EDIL3: variants seen among roughly 807,000 people sequenced by gnomAD.
The protein encoded by EDIL3 is EGF-like repeat and discoidin I-like domain-containing protein 3.
EDIL3 carries 37 observed loss-of-function variants against 67.4 expected under a neutral mutation model. The ratio of observed to expected loss-of-function variants is 0.55; its 90% CI spans 0.42 to 0.72. The LOEUF is 0.72. EDIL3 is among the 30% of genes least tolerant of loss of function. EDIL3 has a pLI of 0.00. For synonymous variants in EDIL3, 195 were observed against 196.3 expected, an observed-to-expected ratio of 0.99 and a Z score of 0.05; for missense variants, 527 against 586.3, an observed-to-expected ratio of 0.90 and a Z score of 1.04.
chr5:84,217,466 A>G (rs1360973564), intron 3 of EDIL3, among the ~76,000 whole-genome samples: 2 of 152,164 alleles, frequency 1.3e-5, no homozygotes, highest in African/African-American at 2.4e-5. Context: ...CGATGTGATT[A>G]ACATCTACAA....
intron 9 of EDIL3, among the ~76,000 whole-genome samples, chr5:84,018,542 T>A (rs1408426469): frequency 6.6e-6 from 1 of 152,132 alleles, no homozygotes; most frequent in East Asian, 1.9e-4. Flanking sequence ...TCAACCTTAT[T>A]CTACTATCAA....
At chr5:84,055,778 T>C (rs965324866) in intron 9 of EDIL3, among the ~76,000 whole-genome samples, 1 of 152,164 alleles carries the variant, frequency 6.6e-6, no homozygotes, top group African/African-American at 2.4e-5. Context: ...TCACACCAGT[T>C]AGAATGGCAA....
At chr5:84,103,726 G>T (rs151011454) in intron 6 of EDIL3, among the ~76,000 whole-genome samples, 20 of 152,128 alleles carry the variant, frequency 1.3e-4, no homozygotes, top group African/African-American at 4.6e-4. Context: ...AATAGATGCT[G>T]GCAAGGTTGA....
intron 7 of EDIL3, among the ~76,000 whole-genome samples, chr5:84,065,237 T>A (rs543483290): frequency 5.3e-5 from 8 of 152,296 alleles, no homozygotes; most frequent in African/African-American, 1.7e-4. Context: ...ATCCAGTCTT[T>A]GCTACTGCTT....
chr5:84,221,327 G>A (rs1386783596), intron 3 of EDIL3, among the ~76,000 whole-genome samples: 1 of 152,094 alleles, frequency 6.6e-6, no homozygotes, highest in African/African-American at 2.4e-5. Flanking sequence ...ATGTCAAGAT[G>A]TAAAGATATT....
At chr5:84,287,435 A>G (rs1329829891) in intron 1 of EDIL3, among the ~76,000 whole-genome samples, 1 of 152,190 alleles carries the variant, frequency 6.6e-6, no homozygotes, top group Non-Finnish European at 1.5e-5. Context: ...TGCTTTTCAG[A>G]TTCTGAATAA....
chr5:84,056,632 C>A (rs1746452656), intron 9 of EDIL3, among the ~76,000 whole-genome samples: 1 of 151,866 alleles, frequency 6.6e-6, no homozygotes. Flanking sequence ...TTTAGAAAAA[C>A]CTATTAAACA....
chr5:83,986,660 T>C (rs1222761623), intron 9 of EDIL3, among the ~76,000 whole-genome samples: 2 of 152,070 alleles, frequency 1.3e-5, no homozygotes, highest in East Asian at 3.9e-4. Context: ...TGTGTATATA[T>C]ATATTGTAGC....
At chr5:84,326,423 A>T (rs937539937) in intron 1 of EDIL3, among the ~76,000 whole-genome samples, 1 of 151,978 alleles carries the variant, frequency 6.6e-6, no homozygotes, top group Non-Finnish European at 1.5e-5. Flanking sequence ...TACAGTTCCC[A>T]TCATACAAGA....
intron 1 of EDIL3, 142 bp from the exon 2 acceptor site, chr5:84,254,354 A>G: frequency 1.0e-6 from 1 of 966,528 alleles, no homozygotes; most frequent in Non-Finnish European, 1.4e-6. Flanking sequence ...GATCTGCAAG[A>G]CTCATTTCAA....
chr5:84,224,335 A>G (rs1365347345), intron 3 of EDIL3, among the ~76,000 whole-genome samples: 2 of 151,570 alleles, frequency 1.3e-5, no homozygotes, highest in African/African-American at 4.8e-5. Flanking sequence ...GACCAAATAA[A>G]CTAAAAGCAA....
Position 84,280,733 on chromosome 5 carries a change from G to A in EDIL3, c.68-26521C>T, listed in dbSNP as rs148987227. On this transcript the variant is annotated intron_variant, in intron 1 of 10. Transcript: ENST00000296591. The stretch of plus-strand genomic sequence containing the variant: ...TTTGGAAAGCTGACACAGTAGGATG[G>A]CTTGAGCCCAGGAGTTCTGGGCAAC... Among the ~76,000 whole-genome samples the A allele has an allele frequency of 7.4e-4, 112 of 152,040 alleles. 1 individual carries two copies. The highest frequency in any genetic ancestry group is 2.7e-3 in the African/African-American group (110 of 41,482).
At chr5:84,203,367 G>A (rs1743885564) in intron 3 of EDIL3, among the ~76,000 whole-genome samples, 5 of 151,700 alleles carry the variant, frequency 3.3e-5, no homozygotes. Flanking sequence ...AATTTCTTCA[G>A]ATAAAAAAAG....
At chr5:84,355,383 C>G (rs983678389) in intron 1 of EDIL3, among the ~76,000 whole-genome samples, 2 of 152,034 alleles carry the variant, frequency 1.3e-5, no homozygotes, top group Non-Finnish European at 2.9e-5. Flanking sequence ...AGCAATTCCT[C>G]TAACCTTTTT....
chr5:84,356,992 T>G (rs183545888), intron 1 of EDIL3, among the ~76,000 whole-genome samples: 20 of 143,182 alleles, frequency 1.4e-4, no homozygotes, highest in Middle Eastern at 3.5e-3. Flanking sequence ...TGGCACGATC[T>G]CGGCTCACTG....
At chr5:84,072,880 A>G (rs972136633) in intron 6 of EDIL3, among the ~76,000 whole-genome samples, 4 of 152,156 alleles carry the variant, frequency 2.6e-5, no homozygotes, top group Non-Finnish European at 5.9e-5. Flanking sequence ...AGATCTTAGC[A>G]TAATGCTGTG....
intron 6 of EDIL3, among the ~76,000 whole-genome samples, chr5:84,086,398 G>T (rs548358939): frequency 6.6e-6 from 1 of 152,096 alleles, no homozygotes; most frequent in Non-Finnish European, 1.5e-5. Flanking sequence ...CCTTGTTTTG[G>T]GGGAGGGCAG....
At chr5:84,262,659 G>GTGTTTTTTTT (rs1745250482) in intron 1 of EDIL3, among the ~76,000 whole-genome samples, 5 of 46,310 alleles carry the variant, frequency 1.1e-4, no homozygotes, top group Non-Finnish European at 1.4e-4. Context: ...AGGTTGGTTG[G>GTGTTTTTTTT]TTTTTTTTTT....
At chr5:84,353,117 C>T (rs1283045916) in intron 1 of EDIL3, among the ~76,000 whole-genome samples, 1 of 152,122 alleles carries the variant, frequency 6.6e-6, no homozygotes, top group Non-Finnish European at 1.5e-5. Flanking sequence ...ATAGCTGCTG[C>T]ACCCAATCAA....
Sources: allele counts gnomAD v4.1 joint callset (sites outside exome capture counted in the v4.1 genomes callset), GRCh38; gene constraint gnomAD v4.1.1; transcripts MANE v1.5; gene names NCBI Gene and HGNC (gene_info 2026-07-23, HGNC 2026-07-21).